The following CHN1 variants were observed in gnomAD, a reference collection of about 807,000 sequenced individuals.
CHN1 encodes chimerin 1.
In CHN1, 37 loss-of-function variants were observed where a neutral mutation model predicts 59.5. That is an observed-to-expected ratio of 0.62 (90% CI 0.48 to 0.82). CHN1 has a LOEUF of 0.82. Among genes scored for constraint, CHN1 ranks in the 40% least tolerant of loss-of-function variants. The pLI is 0.00. For synonymous variants in CHN1, 206 were observed against 200.4 expected (o/e 1.03, Z -0.24); for missense variants, 469 against 571.0 (o/e 0.82, Z 1.82).
At chr2:174,909,059 C>G (rs1688619124) in intron 5 of CHN1, among the ~76,000 whole-genome samples, 1 of 152,160 alleles carries the variant, frequency 6.6e-6, no homozygotes, top group African/African-American at 2.4e-5. Context: ...TCACACAAAA[C>G]TGTCTTTGGA....
At chr2:174,968,756 T>C (rs1468495582) in intron 1 of CHN1, among the ~76,000 whole-genome samples, 2 of 152,188 alleles carry the variant, frequency 1.3e-5, no homozygotes, top group Non-Finnish European at 2.9e-5. Context: ...TATGAAAAAC[T>C]AACAAGTATA....
intron 5 of CHN1, among the ~76,000 whole-genome samples, chr2:174,909,781 T>C (rs1377044234): frequency 6.6e-6 from 1 of 152,222 alleles, no homozygotes; most frequent in African/African-American, 2.4e-5. Context: ...AGTTTGCTTA[T>C]TTTGAATGTC....
At chr2:174,861,974 A>G (rs1687081334) in intron 6 of CHN1, among the ~76,000 whole-genome samples, 1 of 152,214 alleles carries the variant, frequency 6.6e-6, no homozygotes, top group Non-Finnish European at 1.5e-5. Flanking sequence ...ATTAGAAGGA[A>G]AAGGGAATTT....
At chr2:174,902,832 T>C (rs1282725220) in intron 5 of CHN1, among the ~76,000 whole-genome samples, 1 of 152,220 alleles carries the variant, frequency 6.6e-6, no homozygotes, top group African/African-American at 2.4e-5. Context: ...AAAGCCCCTT[T>C]ATCAGTATCT....
In CHN1 at chr2:174,799,648, T is replaced by C. The variant is rs184676337; in HGVS notation, c.*468A>G. On this transcript the variant is annotated 3_prime_UTR_variant, in exon 13 of 13. Coordinates refer to ENST00000409900, the MANE Select transcript of CHN1 (RefSeq NM_001822.7). The stretch of plus-strand genomic sequence containing the variant: ...AAATGTAGGCATGTGATATGGTTTA[T>C]GGTAATGTAACAGCCAGAGGTGCTG... The C allele has an allele frequency of 8.5e-5, 45 of 532,112 alleles. No individual in the cohort carries two copies. The highest frequency in any genetic ancestry group is 7.6e-4 in the African/African-American group (41 of 53,850). 33.0% of individuals were successfully genotyped at this position (532,112 alleles called of 1,614,324 possible). A position where few individuals can be genotyped will look rare whatever the true frequency, so the allele number is the denominator to read the frequency against.
At chr2:174,825,264 A>T (rs912494152) in intron 7 of CHN1, among the ~76,000 whole-genome samples, 1 of 152,214 alleles carries the variant, frequency 6.6e-6, no homozygotes, top group African/African-American at 2.4e-5. Flanking sequence ...CACAGACATT[A>T]AAGGAGATAC....
At chr2:175,001,695 C>T (rs771473021) in intron 1 of CHN1, among the ~76,000 whole-genome samples, 21 of 152,328 alleles carry the variant, frequency 1.4e-4, no homozygotes, top group Non-Finnish European at 2.4e-4. Flanking sequence ...GCCCAGCCGA[C>T]GGTAACTGAG....
chr2:174,815,542 A>G (rs1412663795), intron 8 of CHN1, among the ~76,000 whole-genome samples: 1 of 150,502 alleles, frequency 6.6e-6, no homozygotes, highest in Non-Finnish European at 1.5e-5. Context: ...TCAGTTCTAA[A>G]ATTTCCATTT....
At chr2:174,885,566 C>A (rs1272929019) in intron 5 of CHN1, among the ~76,000 whole-genome samples, 3 of 152,010 alleles carry the variant, frequency 2.0e-5, no homozygotes, top group Non-Finnish European at 4.4e-5. Context: ...ATAATCTTGG[C>A]TCACTGCAAC....
chr2:174,801,755 G>A lies in CHN1; in HGVS notation c.1160C>T (p.Pro387Leu), dbSNP rs201188866. ...ETLHEALKLLPPAHCETLRYL... is the reference protein window; with the variant it reads ...ETLHEALKLLLPAHCETLRYL... ...CCGGAGGGTTTCGCAGTGAGCAGGT[G>A]GCAGTAGTTTCAGTGCTTCATGAAG... Residue 387 changes from proline to leucine, a missense_variant, in exon 12 of 13, where the codon CCA becomes CTA. Physicochemically the swap from Pro to Leu is moderately conservative, Grantham distance 98 (BLOSUM62 -3). Coordinates refer to ENST00000409900, the MANE Select transcript of CHN1 (RefSeq NM_001822.7). 1 of 1,613,536 alleles carries A rather than the reference G, an allele frequency of 6.2e-7. No individual in the cohort carries two copies. The highest frequency in any genetic ancestry group is 8.5e-7 in the Non-Finnish European group (1 of 1,179,576).
intron 1 of CHN1, 49 bp downstream of exon 1, chr2:175,004,845 C>G (rs2105479277): frequency 7.7e-7 from 1 of 1,301,890 alleles, no homozygotes; most frequent in East Asian, 3.3e-5. Flanking sequence ...GCCCCCGAGC[C>G]CCGGGACGCG....
rs370547390 is a variant in CHN1 at position 174,935,663 on chromosome 2, C to T, written c.114+9225G>A. ...TGTGTTGGCCTGGCACGGTGGCTCACGCCTGTAATCCCAGCACTTTGGGAG... is the reference window on the plus strand; with the variant it reads ...TGTGTTGGCCTGGCACGGTGGCTCATGCCTGTAATCCCAGCACTTTGGGAG... On this transcript the variant is annotated intron_variant, in intron 3 of 12. Transcript: ENST00000409900. 4.3e-4 allele frequency among the ~76,000 whole-genome samples: 65 copies of T among 152,226 alleles called. 1 individual carries two copies. The highest frequency in any genetic ancestry group is 1.5e-3 in the African/African-American group (64 of 41,538).
intron 11 of CHN1, among the ~76,000 whole-genome samples, chr2:174,806,608 T>G (rs1216638823): frequency 6.6e-6 from 1 of 152,172 alleles, no homozygotes; most frequent in Admixed American, 6.5e-5. Flanking sequence ...GAGGTGTGTG[T>G]GAATGCCATT....
chr2:174,802,639 T>C (rs1389911967), intron 11 of CHN1, among the ~76,000 whole-genome samples: 1 of 152,232 alleles, frequency 6.6e-6, no homozygotes, highest in African/African-American at 2.4e-5. Flanking sequence ...CATTAGTCAT[T>C]TGTATAACTG....
intron 6 of CHN1, among the ~76,000 whole-genome samples, chr2:174,862,138 T>A (rs571003702): frequency 9.2e-5 from 14 of 152,128 alleles, no homozygotes; most frequent in South Asian, 2.1e-4. Context: ...TATATTGTTT[T>A]AAAAAAAACT....
chr2:174,815,243 G>A (rs1246245676), intron 8 of CHN1, among the ~76,000 whole-genome samples: 2 of 152,068 alleles, frequency 1.3e-5, no homozygotes, highest in African/African-American at 4.8e-5. Flanking sequence ...TGGTTGTGGT[G>A]GTGTGCGCCT....
intron 7 of CHN1, among the ~76,000 whole-genome samples, chr2:174,841,304 G>A (rs1359317548): frequency 1.3e-5 from 2 of 152,176 alleles, no homozygotes; most frequent in African/African-American, 4.8e-5. Context: ...GGGCCACCGT[G>A]CTGAGGGGCA....
intron 7 of CHN1, among the ~76,000 whole-genome samples, chr2:174,834,588 T>C (rs1232295339): frequency 6.6e-6 from 1 of 152,206 alleles, no homozygotes; most frequent in Non-Finnish European, 1.5e-5. Context: ...TGTCACTCCA[T>C]TGTCTTGCAT....
At chr2:174,936,864 T>G (rs939745196) in intron 3 of CHN1, among the ~76,000 whole-genome samples, 1 of 152,164 alleles carries the variant, frequency 6.6e-6, no homozygotes, top group Non-Finnish European at 1.5e-5. Flanking sequence ...TGTGCTTGGT[T>G]TTTAAAGCCT....
Sources: allele counts gnomAD v4.1 joint callset (sites outside exome capture counted in the v4.1 genomes callset), GRCh38; gene constraint gnomAD v4.1.1; transcripts MANE v1.5; gene names NCBI Gene and HGNC (gene_info 2026-07-23, HGNC 2026-07-21).